Variants in GBP5 observed in about 807,000 individuals in gnomAD.
The protein encoded by GBP5 is guanylate-binding protein 5.
GBP5 carries 48 observed loss-of-function variants against 58.2 expected under a neutral mutation model. The ratio of observed to expected loss-of-function variants is 0.83; its 90% CI spans 0.65 to 1.05. GBP5 has a LOEUF of 1.05. Ranked by LOEUF, GBP5 falls within the 50% of genes least tolerant of loss-of-function variation. The pLI, the probability that GBP5 is intolerant of heterozygous loss-of-function variation, is 0.00. For missense variants in GBP5, 714 were observed against 686.8 expected, an observed-to-expected ratio of 1.04 and a Z score of -0.44; for synonymous variants, 248 against 251.8, an observed-to-expected ratio of 0.98 and a Z score of 0.14.
intron 7 of GBP5, among the ~76,000 whole-genome samples, chr1:89,265,645 G>A (rs1372005804): frequency 6.7e-6 from 1 of 148,806 alleles, no homozygotes; most frequent in East Asian, 2.0e-4. Flanking sequence ...GGAAAATGGT[G>A]AGAACCCAGG....
rs1271610544 is a variant in GBP5 at position 89,256,320 on chromosome 1, A to G, written c.*4384T>C. Among the ~76,000 whole-genome samples the G allele has an allele frequency of 6.6e-6, 1 of 152,228 alleles. No homozygotes were observed. The highest frequency in any genetic ancestry group is 6.5e-5 in the Admixed American group (1 of 15,286). ...ACATTACTTAGGAGCTCACATGTTT[A>G]TAATAAAATCCTAGAAAATAGTTGT... On this transcript the variant is annotated 3_prime_UTR_variant, in exon 12 of 12. Coordinates refer to ENST00000370459, the MANE Select transcript of GBP5 (RefSeq NM_052942.5).
Position 89,264,767 on chromosome 1 carries a change from C to T in GBP5, c.1068G>A (p.Arg356=), listed in dbSNP as rs1650142647. 3 of 1,614,180 alleles carry T rather than the reference C, an allele frequency of 1.9e-6. No homozygotes were observed. The highest frequency in any genetic ancestry group is 2.5e-6 in the Non-Finnish European group (3 of 1,180,022). The stretch of plus-strand genomic sequence containing the variant: ...CTTCAATGGCCTCCCTCTCACTGGT[C>T]CTGTGCAGGTCCAGCAGCTCCTGGA... The part of the protein sequence containing the change: ...ETLQELLDLH[R]TSEREAIEVF... Residue 356 remains arginine, a synonymous_variant, in exon 8 of 12, where the codon AGG becomes AGA. Coordinates refer to ENST00000370459, the MANE Select transcript of GBP5 (RefSeq NM_052942.5).
rs575687492 is a variant in GBP5 at position 89,262,494 on chromosome 1, A to C, written c.1466-93T>G. 3.2e-4 allele frequency: 389 copies of C among 1,214,158 alleles called. 3 individuals carry two copies. In the East Asian group the frequency reaches 9.6e-3, roughly 30 times the overall value. 75.2% of individuals were successfully genotyped at this position (1,214,158 alleles called of 1,614,324 possible). A position where few individuals can be genotyped will look rare whatever the true frequency, so the allele number is the denominator to read the frequency against. ...GTGATTGTTCCAACTTCCTGGATAA[A>C]ATTCCCAGGGGTTGTTTTTCCCTTC... On this transcript the variant is annotated intron_variant, in intron 10 of 11. Transcript: ENST00000370459.
rs1650039972 is a variant in GBP5, at chr1:89,262,345, G to C, written c.1522C>G (p.Gln508Glu). 6.2e-7 allele frequency: 1 copy of C among 1,613,934 alleles called. No individual in the cohort carries two copies. Among genetic ancestry groups the C allele is most frequent in the Admixed American group, 1.7e-5 (1 of 59,998 alleles). Residue 508 changes from glutamine (Q) to glutamate (E), a missense_variant, in exon 11 of 12, where the codon CAA becomes GAA. Coordinates refer to ENST00000370459, the MANE Select transcript of GBP5 (RefSeq NM_052942.5). The stretch of plus-strand genomic sequence containing the variant: ...TGCATCATTTGCTCGTTCTGCCTTT[G>C]AATCGCCGCCAACCTTTGCGCTTCA... Reference protein sequence around the residue: ...KAEAQRLAAIQRQNEQMMQER... With the variant: ...KAEAQRLAAIERQNEQMMQER...
intron 6 of GBP5, 124 bp downstream of exon 6, chr1:89,266,833 T>C: frequency 1.5e-6 from 1 of 646,056 alleles, no homozygotes; most frequent in Non-Finnish European, 2.4e-6. Flanking sequence ...TATTATTTAT[T>C]TTTTAGGAGA....
At chr1:89,265,453 G>A (rs993998608) in intron 7 of GBP5, among the ~76,000 whole-genome samples, 2 of 151,412 alleles carry the variant, frequency 1.3e-5, no homozygotes, top group Non-Finnish European at 1.5e-5. Flanking sequence ...AAGCTAGTAT[G>A]AGCGCTACCC....
At chr1:89,261,028 G>A (rs1479229054) in intron 11 of GBP5, among the ~76,000 whole-genome samples, 2 of 151,940 alleles carry the variant, frequency 1.3e-5, no homozygotes, top group African/African-American at 4.8e-5. Context: ...CTGGAATATT[G>A]GTGTCCCTAG....
chr1:89,268,022 A>G (rs1377312623), intron 4 of GBP5, among the ~76,000 whole-genome samples: 1 of 152,002 alleles, frequency 6.6e-6, no homozygotes, highest in East Asian at 1.9e-4. Flanking sequence ...ACACACACAG[A>G]AAAAAAACAA....
intron 11 of GBP5, 39 bp downstream of exon 11, chr1:89,262,181 C>T (rs1317833452): frequency 5.6e-6 from 9 of 1,594,766 alleles, no homozygotes; most frequent in South Asian, 2.2e-5. Flanking sequence ...ATACTCTCAT[C>T]GTTACAGGCA....
At position 89,262,802 on chromosome 1, in the gene GBP5, CATGCAGTTAG is replaced by C; in HGVS notation, c.1363-27_1363-18del. 2 of 1,445,500 alleles carry C rather than the reference CATGCAGTTAG, an allele frequency of 1.4e-6. No homozygotes were observed. The allele number at this position is 1,445,500 out of a possible 1,614,324, so 89.5% of individuals were successfully genotyped here. A position where few individuals can be genotyped will look rare whatever the true frequency, so the allele number is the denominator to read the frequency against. ...TTCTTCAGCCTAGCAACCCGGAAAA[CATGCAGTTAG>C]ATGCAGGAAATGGTGATTAGGAATG... On this transcript the variant is annotated intron_variant, in intron 9 of 11. Transcript: ENST00000370459.
In GBP5 at chr1:89,262,212, A is replaced by G. The variant is rs532107187; in HGVS notation, c.1647+8T>C. On this transcript the variant is annotated splice_region_variant and intron_variant, in intron 11 of 11. Coordinates refer to ENST00000370459, the MANE Select transcript of GBP5 (RefSeq NM_052942.5). ...AGGCAGGGGAGAGATGAAACAATTG[A>G]TGAATACCTGCATCTGTTGTTCCTG... The G allele has an allele frequency of 3.7e-6, 6 of 1,613,626 alleles. No homozygotes were observed. Among genetic ancestry groups the G allele is most frequent in the Admixed American group, 1.7e-5 (1 of 59,998 alleles).
chr1:89,267,787 G>C (rs1650285887), intron 4 of GBP5, among the ~76,000 whole-genome samples: 1 of 152,014 alleles, frequency 6.6e-6, no homozygotes, highest in Non-Finnish European at 1.5e-5. Flanking sequence ...ACATTTTCCA[G>C]CACATAAAAC....
At position 89,259,152 on chromosome 1, in the gene GBP5, A is replaced by G. The variant is rs1649896434; in HGVS notation, c.*1552T>C. 1 of 152,242 alleles carries G rather than the reference A, an allele frequency of 6.6e-6. No homozygotes were observed. Among genetic ancestry groups the G allele is most frequent in the African/African-American group, 2.4e-5 (1 of 41,470 alleles). The allele number at this position is 152,242 out of a possible 1,614,324, so 9.4% of individuals were successfully genotyped here. A position where few individuals can be genotyped will look rare whatever the true frequency, so the allele number is the denominator to read the frequency against. On this transcript the variant is annotated 3_prime_UTR_variant, in exon 12 of 12. Transcript: ENST00000370459. Reference sequence around the variant, plus strand: ...CATTATATGGCATTCCTTATACCACATATTTATAAGATCTAAAGGATTATA... The same window carrying G: ...CATTATATGGCATTCCTTATACCACGTATTTATAAGATCTAAAGGATTATA...
At chr1:89,265,098 G>A (rs1650160396) in intron 7 of GBP5, 132 bp from the exon 8 acceptor site, 2 of 818,334 alleles carry the variant, frequency 2.4e-6, no homozygotes, top group Non-Finnish European at 3.7e-6. Context: ...GTAGTCAAGT[G>A]GCCCAAATAA....
At chr1:89,269,694 A>G (rs945305611) in intron 2 of GBP5, 120 bp from the exon 3 acceptor site, 12 of 548,800 alleles carry the variant, frequency 2.2e-5, no homozygotes, top group South Asian at 1.3e-4. Context: ...AAGTTTCTGG[A>G]AAAAAAAAGT....
At chr1:89,261,128 A>G (rs1458457596) in intron 11 of GBP5, among the ~76,000 whole-genome samples, 1 of 152,138 alleles carries the variant, frequency 6.6e-6, no homozygotes, top group Non-Finnish European at 1.5e-5. Flanking sequence ...TCATACACAC[A>G]CAGGAGACTC....
Position 89,266,413 on chromosome 1 carries a change from G to C in GBP5, c.801C>G (p.Phe267Leu), listed in dbSNP as rs1366377481. The part of the protein sequence containing the change: ...EPEFVQQVTE[F>L]CSYIFSHSMT... ...TAGAATGGCTAAAGATGTAGGAACA[G>C]AATTCTGTCACTTGTTGCACAAATT... The change falls in exon 7 of 12, where the codon TTC (phenylalanine) becomes TTG (leucine). Residue 267 changes from phenylalanine to leucine, a missense_variant. By Grantham distance (22) the Phe-to-Leu change is conservative (BLOSUM62 0). Transcript: ENST00000370459. 6.2e-7 allele frequency: 1 copy of C among 1,613,948 alleles called. No individual in the cohort carries two copies. Among genetic ancestry groups the C allele is most frequent in the South Asian group, 1.1e-5 (1 of 91,092 alleles).
chr1:89,261,004 G>T (rs1035435486), intron 11 of GBP5, among the ~76,000 whole-genome samples, 187 bp from the exon 12 acceptor site: 3 of 152,080 alleles, frequency 2.0e-5, no homozygotes, highest in South Asian at 2.1e-4. Flanking sequence ...TCCAGAAATG[G>T]TCATTTCTCA....
intron 4 of GBP5, 28 bp downstream of exon 4, chr1:89,268,701 G>C: frequency 6.2e-7 from 1 of 1,611,640 alleles, no homozygotes; most frequent in Non-Finnish European, 8.5e-7. Context: ...CAGAGATTAG[G>C]AGGTTAAAAA....
Sources: gnomAD v4.1 joint callset for allele counts (sites outside exome capture counted in the v4.1 genomes callset) on GRCh38, gnomAD v4.1.1 for gene constraint, MANE v1.5 for transcripts, NCBI Gene and HGNC (gene_info 2026-07-23, HGNC 2026-07-21) for gene names.